Variants in STAT4 observed in about 807,000 individuals in gnomAD.
STAT4 encodes the protein signal transducer and activator of transcription 4.
In STAT4, 42 loss-of-function variants were observed where a neutral mutation model predicts 110.5. That is an observed-to-expected ratio of 0.38 (90% CI 0.30 to 0.49). STAT4 has a LOEUF of 0.49. Ranked by LOEUF, STAT4 falls within the 20% of genes least tolerant of loss-of-function variation. The pLI, the probability that STAT4 is intolerant of heterozygous loss-of-function variation, is 0.95. For synonymous variants in STAT4, 284 were observed against 302.2 expected (o/e 0.94, Z 0.63); for missense variants, 632 against 887.9 (o/e 0.71, Z 3.66).
At position 191,058,084 on chromosome 2, in the gene STAT4, A is replaced by T; in HGVS notation, c.1140T>A (p.Thr380=). The T allele has an allele frequency of 6.2e-7, 1 of 1,614,072 alleles. No individual in the cohort carries two copies. The highest frequency in any genetic ancestry group is 8.5e-7 in the Non-Finnish European group (1 of 1,179,968). ...LSNRRFVLCG[T]NVKAMSIEES... ...CTTCAATAGACATGGCTTTGACATT[A>T]GTTCCACAAAGTACAAATCTTCGGT... The change falls in exon 13 of 24, where the codon ACT becomes ACA. Residue 380 remains threonine (T), a synonymous_variant. Transcript: ENST00000392320. This position sits in a 1 kb window ranked among gnomAD's most constrained non-coding sequence, Gnocchi z 4.3.
chr2:191,130,195 C>T (rs1362988114), intron 3 of STAT4, among the ~76,000 whole-genome samples: 1 of 146,748 alleles, frequency 6.8e-6, no homozygotes, highest in Non-Finnish European at 1.5e-5. Flanking sequence ...TCACTTGTTA[C>T]TGTTTTGGCT....
chr2:191,075,170 C>CAA (rs137958077), intron 4 of STAT4, among the ~76,000 whole-genome samples: 4 of 146,758 alleles, frequency 2.7e-5, no homozygotes, highest in Non-Finnish European at 4.5e-5. Context: ...AAAAACAAAA[C>CAA]AAAAAAAAAA....
rs1377779655 is a variant in STAT4 at position 191,083,228 on chromosome 2, A to G, written c.274-6903T>C. 2.6e-5 allele frequency among the ~76,000 whole-genome samples: 4 copies of G among 152,180 alleles called. No homozygotes were observed. The highest frequency in any genetic ancestry group is 9.6e-5 in the African/African-American group (4 of 41,454). On this transcript the variant is annotated intron_variant, in intron 3 of 23. Coordinates refer to ENST00000392320, the MANE Select transcript of STAT4 (RefSeq NM_003151.4). The surrounding 1 kb of genome is among the most constrained non-coding windows in gnomAD (Gnocchi z 4.6). ...ACTGTTATGGGAGTGGGCAAGTGAG[A>G]CGAGGAAGAGAAGGGAGCCAGTAAG...
In STAT4 at chr2:191,030,065, CA is replaced by C. The variant is rs1695843316; in HGVS notation, c.2221-200del. Among the ~76,000 whole-genome samples the C allele has an allele frequency of 6.6e-6, 1 of 151,998 alleles. No individual in the cohort carries two copies. Among genetic ancestry groups the C allele is most frequent in the Admixed American group, 6.6e-5 (1 of 15,258 alleles). ...AAATAAAAGGTACCTTTCAAGGAGA[CA>C]GAAAAGTGTTTTAAGAAAAAGGCCT... On this transcript the variant is annotated intron_variant, in intron 23 of 23. Transcript: ENST00000392320. The surrounding 1 kb of genome is among the most constrained non-coding windows in gnomAD (Gnocchi z 4.4).
At chr2:191,121,701 C>T (rs1698736670) in intron 3 of STAT4, among the ~76,000 whole-genome samples, 1 of 143,262 alleles carries the variant, frequency 7.0e-6, no homozygotes, top group African/African-American at 2.6e-5. Flanking sequence ...TGTTCTCACT[C>T]ATAGGTGGGA....
chr2:191,067,820 G>C (rs1016504328), intron 6 of STAT4, among the ~76,000 whole-genome samples: 1 of 152,108 alleles, frequency 6.6e-6, no homozygotes, highest in African/African-American at 2.4e-5. Context: ...GCAAGTGCCT[G>C]TTCATACCAA....
intron 3 of STAT4, among the ~76,000 whole-genome samples, chr2:191,102,625 T>A (rs1698175367): frequency 6.6e-6 from 1 of 152,134 alleles, no homozygotes; most frequent in African/African-American, 2.4e-5. Context: ...CCAATCACAA[T>A]TCACAATGAA....
chr2:191,088,408 AAAG>A (rs764995306), intron 3 of STAT4, among the ~76,000 whole-genome samples: 83 of 152,370 alleles, frequency 5.4e-4, no homozygotes, highest in Non-Finnish European at 1.1e-3. Context: ...GAAAGAAATC[AAAG>A]AAGAACTAAA....
At position 191,058,295 on chromosome 2, in the gene STAT4, A is replaced by AT. The variant is rs1696759346; in HGVS notation, c.1095-77dup. The AT allele has an allele frequency of 3.8e-6, 5 of 1,311,576 alleles. No homozygotes were observed. In the South Asian group the frequency reaches 5.4e-5, roughly 14 times the overall value. 81.2% of individuals were successfully genotyped at this position (1,311,576 alleles called of 1,614,324 possible). ...ATAACTTTCTATGATAGTTTATTTT[A>AT]TTTATTTATTTATTTATTTTGAGAC... is the stretch of plus-strand genomic sequence containing the variant. On this transcript the variant is annotated intron_variant, in intron 11 of 23. Coordinates refer to ENST00000392320, the MANE Select transcript of STAT4 (RefSeq NM_003151.4). The surrounding 1 kb of genome is among the most constrained non-coding windows in gnomAD (Gnocchi z 4.3).
rs560519849 is a variant in STAT4, at chr2:191,090,097, C to A, written c.274-13772G>T. ...ATATTGTAATAATATAAAATTGTAA[C>A]AAGTACATCACACTAATGTAAGATA... On this transcript the variant is annotated intron_variant, in intron 3 of 23. Coordinates refer to ENST00000392320, the MANE Select transcript of STAT4 (RefSeq NM_003151.4). The surrounding 1 kb of genome is among the most constrained non-coding windows in gnomAD (Gnocchi z 4.2). 1.1e-4 allele frequency among the ~76,000 whole-genome samples: 17 copies of A among 151,902 alleles called. No homozygotes were observed. The highest frequency in any genetic ancestry group is 2.5e-4 in the Non-Finnish European group (17 of 67,990).
intron 3 of STAT4, among the ~76,000 whole-genome samples, chr2:191,097,430 C>A (rs934482068): frequency 3.3e-5 from 5 of 152,080 alleles, no homozygotes; most frequent in South Asian, 2.1e-4. Flanking sequence ...AGATATAGAC[C>A]AATGGAACAG....
chr2:191,039,184 A>G lies in STAT4; in HGVS notation c.1434+15T>C. On this transcript the variant is annotated intron_variant, in intron 16 of 23. Coordinates refer to ENST00000392320, the MANE Select transcript of STAT4 (RefSeq NM_003151.4). The surrounding 1 kb of genome is among the most constrained non-coding windows in gnomAD (Gnocchi z 4.7). ...CGAATAGCATTAAAGAAGTTGAGGT[A>G]GAAATAGAGTCTACCTGGGAATCGT... 1 of 1,611,068 alleles carries G rather than the reference A, an allele frequency of 6.2e-7. No individual in the cohort carries two copies. The highest frequency in any genetic ancestry group is 8.5e-7 in the Non-Finnish European group (1 of 1,177,164).
intron 3 of STAT4, among the ~76,000 whole-genome samples, chr2:191,100,342 G>T (rs369967601): frequency 6.6e-5 from 10 of 152,142 alleles, no homozygotes; most frequent in Non-Finnish European, 1.3e-4. Flanking sequence ...ATAGGTTAGC[G>T]CCTAAATGAC....
chr2:191,118,270 T>C (rs2125382125), intron 3 of STAT4, among the ~76,000 whole-genome samples: 1 of 152,344 alleles, frequency 6.6e-6, no homozygotes, highest in Non-Finnish European at 1.5e-5. Context: ...GAATCACTTG[T>C]GAAGCTTTAT....
chr2:191,101,273 C>T (rs1363200279), intron 3 of STAT4, among the ~76,000 whole-genome samples: 1 of 152,048 alleles, frequency 6.6e-6, no homozygotes, highest in Non-Finnish European at 1.5e-5. Context: ...TTTATATGGA[C>T]CCATTTGGTT....
intron 5 of STAT4, among the ~76,000 whole-genome samples, chr2:191,072,271 C>G (rs900567873): frequency 6.6e-6 from 1 of 152,040 alleles, no homozygotes; most frequent in African/African-American, 2.4e-5. Flanking sequence ...CCTTGCATGG[C>G]AGATTATTAA....
rs1268261165 is a variant in STAT4 at position 191,142,169 on chromosome 2, CT to C, written c.273+4443del. On this transcript the variant is annotated intron_variant, in intron 3 of 23. Coordinates refer to ENST00000392320, the MANE Select transcript of STAT4 (RefSeq NM_003151.4). The surrounding 1 kb of genome is among the most constrained non-coding windows in gnomAD (Gnocchi z 4.1). ...ACAATAACAAAGATTTGGAATCAACCTAAGTGTCCATTGATGGAAGAATGGA... is the reference window on the plus strand; with the variant it reads ...ACAATAACAAAGATTTGGAATCAACCAAGTGTCCATTGATGGAAGAATGGA... Among the ~76,000 whole-genome samples, 1 of 151,800 alleles carries C rather than the reference CT, an allele frequency of 6.6e-6. No individual in the cohort carries two copies. The highest frequency in any genetic ancestry group is 1.5e-5 in the Non-Finnish European group (1 of 67,974).
intron 7 of STAT4, among the ~76,000 whole-genome samples, chr2:191,065,227 C>A (rs1574723164): frequency 1.3e-5 from 2 of 152,092 alleles, no homozygotes; most frequent in African/African-American, 4.8e-5. Context: ...CCTGCGGCAA[C>A]AATATTGAAT....
At chr2:191,118,321 G>T (rs1369872759) in intron 3 of STAT4, among the ~76,000 whole-genome samples, 3 of 152,134 alleles carry the variant, frequency 2.0e-5, no homozygotes, top group Non-Finnish European at 2.9e-5. Context: ...GAGATTCTGG[G>T]ATTGAAGTCT....
Sources: gnomAD v4.1 joint callset for allele counts (sites outside exome capture counted in the v4.1 genomes callset) on GRCh38, gnomAD v4.1.1 for gene constraint, Gnocchi (gnomAD v3.1) non-coding constraint, MANE v1.5 for transcripts, NCBI Gene and HGNC (gene_info 2026-07-23, HGNC 2026-07-21) for gene names.